Variants in CALD1 observed in about 807,000 individuals in gnomAD.
CALD1 encodes caldesmon 1.
In CALD1, 33 loss-of-function variants were observed where a neutral mutation model predicts 99.9. The ratio of observed to expected loss-of-function variants is 0.33; its 90% CI spans 0.25 to 0.44. The LOEUF (loss-of-function observed/expected upper bound fraction) is 0.44. Among genes scored for constraint, CALD1 ranks in the 20% least tolerant of loss-of-function variants. The pLI, the probability that CALD1 is intolerant of heterozygous loss-of-function variation, is 1.00. For missense variants in CALD1, 861 were observed against 962.1 expected, an observed-to-expected ratio of 0.89 and a Z score of 1.39; for synonymous variants, 310 against 325.0, an observed-to-expected ratio of 0.95 and a Z score of 0.50.
intron 1 of CALD1, among the ~76,000 whole-genome samples, chr7:134,820,907 T>C (rs1481139515): frequency 6.6e-6 from 1 of 152,108 alleles, no homozygotes; most frequent in Non-Finnish European, 1.5e-5. Flanking sequence ...ATACATTCCT[T>C]AGAAAAATTT....
intron 1 of CALD1, among the ~76,000 whole-genome samples, chr7:134,753,010 G>GAA (rs11312378): frequency 1.0e-5 from 1 of 99,074 alleles, no homozygotes; most frequent in Non-Finnish European, 2.2e-5. Flanking sequence ...ACTCTGTATC[G>GAA]AAAAAAAAAA....
intron 1 of CALD1, among the ~76,000 whole-genome samples, chr7:134,826,193 A>G (rs1054095723): frequency 6.6e-6 from 1 of 152,190 alleles, no homozygotes; most frequent in Non-Finnish European, 1.5e-5. Context: ...TCCAAAGAAT[A>G]AAGTACAAAA....
chr7:134,770,988 G>GT (rs1796873729), intron 1 of CALD1, among the ~76,000 whole-genome samples: 1 of 152,168 alleles, frequency 6.6e-6, no homozygotes, highest in Non-Finnish European at 1.5e-5. Flanking sequence ...AAGCTGTATT[G>GT]TTTGAAAAGT....
intron 3 of CALD1, among the ~76,000 whole-genome samples, chr7:134,923,516 C>T (rs568601497): frequency 3.0e-4 from 45 of 152,338 alleles, no homozygotes; most frequent in Non-Finnish European, 5.6e-4. Flanking sequence ...CAGGTTAATA[C>T]TGGCATCTGC....
intron 1 of CALD1, among the ~76,000 whole-genome samples, chr7:134,749,398 T>C (rs1796665058): frequency 6.6e-6 from 1 of 152,098 alleles, no homozygotes. Context: ...GGTGGGCGGA[T>C]CACTTGAGGT....
intron 2 of CALD1, chr7:134,867,061 G>C (rs1800833409): frequency 6.6e-6 from 1 of 152,114 alleles, no homozygotes; most frequent in South Asian, 2.1e-4. Flanking sequence ...TAAAATGGTT[G>C]GGTTACATCT....
chr7:134,886,424 C>T (rs1801854491), intron 3 of CALD1, among the ~76,000 whole-genome samples: 2 of 152,146 alleles, frequency 1.3e-5, no homozygotes, highest in Admixed American at 1.3e-4. Flanking sequence ...CTGGATATAG[C>T]ACAAAACTGA....
chr7:134,729,312 T>C, the CALD1 span, among the ~76,000 whole-genome samples: 1 of 152,180 alleles, frequency 6.6e-6, no homozygotes, highest in East Asian at 1.9e-4. Flanking sequence ...ATGAGGAAAG[T>C]AAGGGACAGA....
At chr7:134,908,508 G>A (rs1803565179) in intron 3 of CALD1, among the ~76,000 whole-genome samples, 2 of 152,148 alleles carry the variant, frequency 1.3e-5, no homozygotes, top group Admixed American at 1.3e-4. Flanking sequence ...GGTCCACAGT[G>A]TTCTTAAGTC....
rs570256335 is a variant in CALD1 at position 134,820,957 on chromosome 7, G to T, written c.-129-22927G>T. On this transcript the variant is annotated intron_variant, in intron 1 of 14. Coordinates refer to ENST00000361675, the MANE Select transcript of CALD1 (RefSeq NM_033138.4). Reference sequence around the variant, plus strand: ...AACCACAGTAAACAGTGAAGGAGAGGGGAGGAGAAAAATGATGCAAACTAT... The same window carrying T: ...AACCACAGTAAACAGTGAAGGAGAGTGGAGGAGAAAAATGATGCAAACTAT... 3.5e-3 allele frequency among the ~76,000 whole-genome samples: 534 copies of T among 151,750 alleles called. 3 individuals are homozygous for T. The highest frequency in any genetic ancestry group is 0.012 in the African/African-American group (498 of 41,112).
chr7:134,755,145 C>T lies in CALD1; in HGVS notation c.-130+10782C>T, dbSNP rs10277039. On this transcript the variant is annotated intron_variant, in intron 1 of 13. Coordinates refer to the CALD1 transcript ENST00000417172. ...ACTTCTGAGTAGCTGGGATTACAGG[C>T]GCCCACTACCACTCTTGGTTAATTT... Among the ~76,000 whole-genome samples the T allele has an allele frequency of 5.5e-3, 834 of 152,142 alleles. 5 individuals carry two copies. The highest frequency in any genetic ancestry group is 0.019 in the African/African-American group (770 of 41,512).
intron 1 of CALD1, among the ~76,000 whole-genome samples, chr7:134,768,961 T>C (rs909972993): frequency 6.6e-6 from 1 of 152,082 alleles, no homozygotes; most frequent in Non-Finnish European, 1.5e-5. Flanking sequence ...CCTGCTTCTT[T>C]TTTCCCACTC....
the CALD1 span, among the ~76,000 whole-genome samples, chr7:134,729,699 A>G: frequency 6.6e-6 from 1 of 152,248 alleles, no homozygotes; most frequent in Non-Finnish European, 1.5e-5. Flanking sequence ...GAAGTCACCA[A>G]TAAAACCAGC....
chr7:134,895,031 C>T (rs921565908), intron 3 of CALD1, among the ~76,000 whole-genome samples: 4 of 151,352 alleles, frequency 2.6e-5, no homozygotes, highest in African/African-American at 9.7e-5. Flanking sequence ...GTCAAGGAAA[C>T]GTAGGAAATT....
At chr7:134,960,870 G>A (rs1249817647) in intron 13 of CALD1, 1 of 328,460 alleles carries the variant, frequency 3.0e-6, no homozygotes, top group East Asian at 5.2e-5. Flanking sequence ...GGAGGAATCA[G>A]CTAGAATACT....
intron 3 of CALD1, among the ~76,000 whole-genome samples, chr7:134,902,610 C>G (rs898028753): frequency 6.6e-6 from 1 of 152,004 alleles, no homozygotes; most frequent in East Asian, 1.9e-4. Flanking sequence ...ATCCAAGATC[C>G]CCAGATACCA....
chr7:134,815,352 T>C (rs146025514), intron 1 of CALD1, among the ~76,000 whole-genome samples: 30 of 152,272 alleles, frequency 2.0e-4, no homozygotes, highest in African/African-American at 5.8e-4. Flanking sequence ...CTCCGGCTGG[T>C]CCTCAAGTTG....
intron 3 of CALD1, among the ~76,000 whole-genome samples, chr7:134,899,249 G>A (rs1802802460): frequency 6.6e-6 from 1 of 150,528 alleles, no homozygotes; most frequent in Non-Finnish European, 1.5e-5. Context: ...TCTTGTTGAG[G>A]CTGGAGTGCA....
intron 3 of CALD1, among the ~76,000 whole-genome samples, chr7:134,910,354 C>T (rs527662527): frequency 6.6e-6 from 1 of 152,306 alleles, no homozygotes; most frequent in Admixed American, 6.5e-5. Flanking sequence ...CCAGTTTTGG[C>T]TACAGCACAT....
Sources: gnomAD v4.1 joint callset for allele counts (sites outside exome capture counted in the v4.1 genomes callset) on GRCh38, gnomAD v4.1.1 for gene constraint, MANE v1.5 for transcripts, NCBI Gene and HGNC (gene_info 2026-07-23, HGNC 2026-07-21) for gene names.